Variants in DIAPH2 observed in about 807,000 individuals in gnomAD.
The protein encoded by DIAPH2 is diaphanous related formin 2.
In DIAPH2, 35 loss-of-function variants were observed where a neutral mutation model predicts 92.7. The observed-to-expected ratio is 0.38, with a 90% CI of 0.29 to 0.50. DIAPH2 has a LOEUF of 0.50. Among genes scored for constraint, DIAPH2 ranks in the 20% least tolerant of loss-of-function variants. The pLI, the probability that DIAPH2 is intolerant of heterozygous loss-of-function variation, is 0.94. For synonymous variants in DIAPH2, 301 were observed against 280.4 expected (o/e 1.07, Z -0.73); for missense variants, 701 against 819.5 (o/e 0.86, Z 1.77).
At chrX:96,954,853 A>G (rs1416681055) in intron 15 of DIAPH2, among the ~76,000 whole-genome samples, 1 of 112,367 alleles carries the variant, frequency 8.9e-6, no homozygotes, top group Non-Finnish European at 1.9e-5. Context: ...AAGCCAGCTA[A>G]GTTACTAGAG....
At chrX:97,327,374 CAGGCAT>C (rs1348497790) in intron 23 of DIAPH2, among the ~76,000 whole-genome samples, 1 of 111,233 alleles carries the variant, frequency 9.0e-6, no homozygotes, top group Non-Finnish European at 1.9e-5. Flanking sequence ...GCTAGGATTA[CAGGCAT>C]GAGCTACCGC....
At chrX:97,462,806 G>A (rs2070470963) in intron 26 of DIAPH2, among the ~76,000 whole-genome samples, 1 of 109,194 alleles carries the variant, frequency 9.2e-6, no homozygotes, top group African/African-American at 3.3e-5. Context: ...AGAAATGAGA[G>A]TATTGTGATG....
chrX:97,186,831 C>T (rs934236297), intron 22 of DIAPH2, among the ~76,000 whole-genome samples: 11 of 111,825 alleles, frequency 9.8e-5, no homozygotes, highest in African/African-American at 2.9e-4. Context: ...GGGGCTTTGC[C>T]TTGACTCCTC....
intron 5 of DIAPH2, among the ~76,000 whole-genome samples, chrX:96,910,389 A>C (rs2065462041): frequency 9.0e-6 from 1 of 111,166 alleles, no homozygotes; most frequent in African/African-American, 3.3e-5. Flanking sequence ...TATATTGTGG[A>C]TGGCGATTGG....
intron 22 of DIAPH2, among the ~76,000 whole-genome samples, chrX:97,215,889 T>A (rs1486990440): frequency 8.9e-6 from 1 of 112,411 alleles, no homozygotes. Flanking sequence ...ATGCTTTGTT[T>A]CTAAAGATGC....
chrX:97,324,690 C>G (rs943538209), intron 23 of DIAPH2, among the ~76,000 whole-genome samples: 1 of 111,961 alleles, frequency 8.9e-6, no homozygotes, highest in African/African-American at 3.2e-5. Flanking sequence ...GTATCAATGC[C>G]TACAGGAAAA....
chrX:97,070,705 G>T (rs1440274607), intron 17 of DIAPH2, among the ~76,000 whole-genome samples: 1 of 111,685 alleles, frequency 9.0e-6, no homozygotes, highest in Non-Finnish European at 1.9e-5. Context: ...CAGAAAAGCA[G>T]TGCCCACTCA....
At chrX:96,772,676 A>G (rs1191465690) in intron 4 of DIAPH2, among the ~76,000 whole-genome samples, 2 of 112,125 alleles carry the variant, frequency 1.8e-5, no homozygotes, top group Admixed American at 9.5e-5. Context: ...ATGTGCTTTT[A>G]TAGTTGCAGC....
intron 1 of DIAPH2, among the ~76,000 whole-genome samples, chrX:96,704,498 A>G (rs934095816): frequency 5.4e-5 from 6 of 111,610 alleles, no homozygotes; most frequent in Non-Finnish European, 1.1e-4. Flanking sequence ...TTTCTTTCTC[A>G]GTGACCTTCA....
At chrX:97,544,958 G>C (rs1449606117) in intron 26 of DIAPH2, among the ~76,000 whole-genome samples, 1 of 111,184 alleles carries the variant, frequency 9.0e-6, no homozygotes, top group East Asian at 2.8e-4. Context: ...CCCGGCAGCT[G>C]TGAGAATAGC....
At chrX:97,489,390 C>T in intron 26 of DIAPH2, among the ~76,000 whole-genome samples, 1 of 110,496 alleles carries the variant, frequency 9.1e-6, no homozygotes, top group East Asian at 2.8e-4. Flanking sequence ...GATAGTTTTA[C>T]TTCTTTTTTT....
At chrX:97,443,019 C>T (rs1189471081) in intron 26 of DIAPH2, among the ~76,000 whole-genome samples, 2 of 110,995 alleles carry the variant, frequency 1.8e-5, no homozygotes, top group Non-Finnish European at 3.8e-5. Context: ...ACCCCACCCC[C>T]AGCCTCCCGA....
intron 23 of DIAPH2, among the ~76,000 whole-genome samples, chrX:97,304,356 A>G (rs747722524): frequency 8.9e-6 from 1 of 112,424 alleles, no homozygotes; most frequent in South Asian, 3.7e-4. Context: ...AGTTGATCTG[A>G]GAAGAAATCA....
At chrX:97,415,692 G>C (rs1019053864) in intron 25 of DIAPH2, among the ~76,000 whole-genome samples, 12 of 105,811 alleles carry the variant, frequency 1.1e-4, no homozygotes, top group Non-Finnish European at 2.1e-4. Context: ...ATCACACATG[G>C]GGGCGTGTTG....
At chrX:97,425,826 ATG>A (rs34389353) in intron 25 of DIAPH2, among the ~76,000 whole-genome samples, 3 of 103,554 alleles carry the variant, frequency 2.9e-5, no homozygotes, top group Admixed American at 1.1e-4. Flanking sequence ...GTGTATGTAT[ATG>A]TGTGTGTGTG....
chrX:96,687,866 G>A (rs1454023036), intron 1 of DIAPH2, among the ~76,000 whole-genome samples: 2 of 111,051 alleles, frequency 1.8e-5, no homozygotes, highest in East Asian at 2.8e-4. Flanking sequence ...TTAAAATAAG[G>A]CATTCCTGTC....
At chrX:97,281,017 A>G (rs1384227254) in intron 23 of DIAPH2, among the ~76,000 whole-genome samples, 1 of 112,279 alleles carries the variant, frequency 8.9e-6, no homozygotes, top group African/African-American at 3.2e-5. Flanking sequence ...ATGTGTTTTG[A>G]CTTTGTATTA....
rs1406044454 is a variant in DIAPH2 at position 97,285,279 on chromosome X, CCTGT to C, written c.2844+37441_2844+37444del. On this transcript the variant is annotated intron_variant, in intron 23 of 26. Transcript: ENST00000324765. ...ATGGGGCCGGGCGCGGTGGCTCATG[CCTGT>C]AATCCCAGCACTTTGGGAGGCTGAG... is the stretch of plus-strand genomic sequence containing the variant. Among the ~76,000 whole-genome samples, 616 of 107,097 alleles carry C rather than the reference CCTGT, an allele frequency of 5.8e-3. 6 individuals are homozygous for C. Among genetic ancestry groups the C allele is most frequent in the African/African-American group, 0.02 (586 of 29,345 alleles). 93.0% of individuals were successfully genotyped at this position (107,097 alleles called of 115,157 possible).
chrX:96,812,206 T>C (rs1049767432), intron 4 of DIAPH2, among the ~76,000 whole-genome samples: 1 of 112,019 alleles, frequency 8.9e-6, no homozygotes, highest in African/African-American at 3.2e-5. Flanking sequence ...GAGCCTGTTA[T>C]TGGTCTATTC....
Sources: gnomAD v4.1 joint callset for allele counts (sites outside exome capture counted in the v4.1 genomes callset) on GRCh38, gnomAD v4.1.1 for gene constraint, MANE v1.5 for transcripts, NCBI Gene and HGNC (gene_info 2026-07-23, HGNC 2026-07-21) for gene names.